NEBL: variants seen among roughly 807,000 people sequenced by gnomAD.
NEBL encodes nebulette.
A neutral mutation model predicts 140.2 loss-of-function variants in NEBL; 122 were observed. The ratio of observed to expected loss-of-function variants is 0.87; its 90% CI spans 0.75 to 1.01. NEBL has a LOEUF of 1.01. Among genes scored for constraint, NEBL ranks in the 50% least tolerant of loss-of-function variants. The pLI, the probability that NEBL is intolerant of heterozygous loss-of-function variation, is 0.00. For synonymous variants in NEBL, 436 were observed against 398.9 expected (o/e 1.09, Z -1.11); for missense variants, 1,365 against 1,231.3 (o/e 1.11, Z -1.62).
rs555256807 is a variant in NEBL, at chr10:21,173,480, G to C, written c.69+285C>G. On this transcript the variant is annotated intron_variant, in intron 1 of 6. Coordinates refer to the NEBL transcript ENST00000417816. The surrounding 1 kb of genome is among the most constrained non-coding windows in gnomAD (Gnocchi z 5.7). ...CTGGGTGCCCAGCCTGGTCCCTCCG[G>C]GGTCCGGGGCTGCGCACCGCCGTGC... Among the ~76,000 whole-genome samples the C allele has an allele frequency of 6.6e-6, 1 of 152,140 alleles. No homozygotes were observed. The highest frequency in any genetic ancestry group is 1.5e-5 in the Non-Finnish European group (1 of 67,990).
chr10:21,250,832 G>T (rs1842579375), intron 2 of NEBL, among the ~76,000 whole-genome samples: 1 of 152,130 alleles, frequency 6.6e-6, no homozygotes, highest in Non-Finnish European at 1.5e-5. Flanking sequence ...GGAGGAGGTT[G>T]CAGTGAGCTG....
At chr10:21,169,067 A>AAAAAAAATATAT (rs1554830679) in intron 2 of NEBL, among the ~76,000 whole-genome samples, 2 of 23,076 alleles carry the variant, frequency 8.7e-5, no homozygotes, top group Non-Finnish European at 1.7e-4. Context: ...AAAAAAAAAA[A>AAAAAAAATATAT]ATATATATAT....
chr10:20,996,569 C>T (rs528306781), intron 3 of NEBL, among the ~76,000 whole-genome samples: 5 of 152,180 alleles, frequency 3.3e-5, no homozygotes, highest in South Asian at 2.1e-4. Context: ...GTAACTTGTC[C>T]GAGGACACAT....
At chr10:21,118,054 TCCTCATGTGC>T (rs1160915166) in intron 2 of NEBL, among the ~76,000 whole-genome samples, 1 of 152,146 alleles carries the variant, frequency 6.6e-6, no homozygotes, top group Non-Finnish European at 1.5e-5. Context: ...CATTATGATT[TCCTCATGTGC>T]CCACTGAGAA....
intron 10 of NEBL, among the ~76,000 whole-genome samples, chr10:20,851,497 C>T (rs113589758): frequency 0.04 from 6,126 of 151,708 alleles, 362 homozygotes; most frequent in African/African-American, 0.14. Flanking sequence ...GTGAAATGGC[C>T]GGGTGCAGTG....
intron 2 of NEBL, among the ~76,000 whole-genome samples, chr10:21,156,977 A>G (rs1405906706): frequency 6.6e-6 from 1 of 152,212 alleles, no homozygotes; most frequent in Non-Finnish European, 1.5e-5. Context: ...TCATTTCCTT[A>G]TGAATATTTC....
chr10:20,820,411 T>G (rs188703604), intron 19 of NEBL, among the ~76,000 whole-genome samples: 1 of 152,340 alleles, frequency 6.6e-6, no homozygotes, highest in African/African-American at 2.4e-5. Context: ...AGCTGGAGGT[T>G]AAGATCTCAT....
chr10:21,149,929 CAG>C (rs1242714938), intron 2 of NEBL, among the ~76,000 whole-genome samples: 1 of 152,164 alleles, frequency 6.6e-6, no homozygotes, highest in Non-Finnish European at 1.5e-5. Flanking sequence ...CATCTGGTCA[CAG>C]AATTCTTCTG....
chr10:20,811,578 T>C (rs1232213182), intron 24 of NEBL, among the ~76,000 whole-genome samples: 1 of 152,104 alleles, frequency 6.6e-6, no homozygotes, highest in Admixed American at 6.5e-5. Flanking sequence ...ATGTTTGGAA[T>C]CCTTCTTCAG....
At chr10:20,920,713 T>G (rs979587065) in intron 4 of NEBL, among the ~76,000 whole-genome samples, 1 of 152,166 alleles carries the variant, frequency 6.6e-6, no homozygotes, top group Non-Finnish European at 1.5e-5. Flanking sequence ...GAGATCTCTC[T>G]TAATAAACAT....
At chr10:21,064,095 C>T (rs894123757) in intron 2 of NEBL, among the ~76,000 whole-genome samples, 7 of 151,976 alleles carry the variant, frequency 4.6e-5, no homozygotes, top group Non-Finnish European at 1.0e-4. Context: ...GGAGTTAAGG[C>T]TTCTTTTTAC....
chr10:20,912,704 G>A (rs2131468567), intron 4 of NEBL, among the ~76,000 whole-genome samples: 1 of 151,982 alleles, frequency 6.6e-6, no homozygotes, highest in African/African-American at 2.4e-5. Context: ...TATTGGATTT[G>A]TATGTCACTC....
intron 2 of NEBL, among the ~76,000 whole-genome samples, chr10:21,043,587 T>C (rs1834366229): frequency 6.6e-6 from 1 of 152,226 alleles, no homozygotes; most frequent in African/African-American, 2.4e-5. Context: ...TTTTAACTTA[T>C]TTATAAACTA....
chr10:21,029,743 A>C (rs61849814), intron 2 of NEBL: 191,693 of 802,680 alleles, frequency 0.24, 24,436 homozygotes, highest in Middle Eastern at 0.29. Flanking sequence ...ATGCCGGGAT[A>C]TGGATCGATA....
At chr10:21,279,147 TG>T (rs1317459883) in intron 1 of NEBL, among the ~76,000 whole-genome samples, 12 of 152,152 alleles carry the variant, frequency 7.9e-5, no homozygotes, top group South Asian at 6.2e-4. Context: ...AACTCTGACA[TG>T]GAAGAACAAA....
chr10:21,171,346 A>G (rs1328914436), intron 2 of NEBL, among the ~76,000 whole-genome samples: 3 of 94,014 alleles, frequency 3.2e-5, no homozygotes, highest in Admixed American at 1.9e-4. Flanking sequence ...AAAAAAAAAA[A>G]AAAGAAAAAA....
upstream of NEBL, among the ~76,000 whole-genome samples, chr10:21,176,703 T>C (rs1178645834): frequency 6.6e-6 from 1 of 152,216 alleles, no homozygotes; most frequent in African/African-American, 2.4e-5. Context: ...AAATTGTTCC[T>C]TGTGTTAACT....
intron 3 of NEBL, among the ~76,000 whole-genome samples, chr10:21,191,988 G>T (rs1252240678): frequency 6.6e-6 from 1 of 152,086 alleles, no homozygotes; most frequent in Non-Finnish European, 1.5e-5. Context: ...AGTATTAAAG[G>T]GTTATTGATT....
At chr10:20,888,323 G>T in intron 3 of NEBL, 116 bp from the exon 4 acceptor site, 1 of 699,160 alleles carries the variant, frequency 1.4e-6, no homozygotes, top group South Asian at 1.7e-5. Flanking sequence ...TTTAAAATCT[G>T]CAGACCATTT....
Sources: gnomAD v4.1 joint callset for allele counts (sites outside exome capture counted in the v4.1 genomes callset) on GRCh38, gnomAD v4.1.1 for gene constraint, Gnocchi (gnomAD v3.1) non-coding constraint, MANE v1.5 for transcripts, NCBI Gene and HGNC (gene_info 2026-07-23, HGNC 2026-07-21) for gene names.